Variants in KAT6B observed in about 807,000 individuals in gnomAD.
The protein encoded by KAT6B is lysine acetyltransferase 6B.
In KAT6B, 10 loss-of-function variants were observed where a neutral mutation model predicts 187.5. The observed-to-expected ratio is 0.05, with a 90% CI of 0.03 to 0.09. KAT6B has a LOEUF of 0.09. Ranked by LOEUF, KAT6B falls within the 10% of genes least tolerant of loss-of-function variation. KAT6B has a pLI of 1.00. For synonymous variants in KAT6B, 861 were observed against 926.8 expected (o/e 0.93, Z 1.29); for missense variants, 1,952 against 2,558.9 (o/e 0.76, Z 5.12).
chr10:74,872,844 A>G (rs1844101712), intron 3 of KAT6B, among the ~76,000 whole-genome samples: 1 of 152,172 alleles, frequency 6.6e-6, no homozygotes, highest in African/African-American at 2.4e-5. Flanking sequence ...ATCGAGAGAC[A>G]TGAAAACTAA....
Position 74,843,294 on chromosome 10 carries a change from C to T in KAT6B, c.437C>T (p.Pro146Leu). ...QSDLTSTTNN[P>L]AFQQRLRLGA... ...GATCTCACAAGCACCACCAACAACCCAGCCTTTCAGCAGCGGCTGCGACTG... is the reference window on the plus strand; with the variant it reads ...GATCTCACAAGCACCACCAACAACCTAGCCTTTCAGCAGCGGCTGCGACTG... The change falls in exon 3 of 18, where the codon CCA (proline) becomes CTA (leucine). Residue 146 changes from proline (P) to leucine (L), a missense_variant. Physicochemically the swap from Pro to Leu is moderately conservative, Grantham distance 98 (BLOSUM62 -3). Around this residue, in one of 9 missense-constraint regions of KAT6B, gnomAD observed 218 missense variants for 282.6 expected, o/e 0.77. Transcript: ENST00000287239. 1 of 1,613,746 alleles carries T rather than the reference C, an allele frequency of 6.2e-7. No individual in the cohort carries two copies. The highest frequency in any genetic ancestry group is 1.1e-5 in the South Asian group (1 of 91,068).
At chr10:74,981,062 A>G (rs1842475316) in intron 10 of KAT6B, among the ~76,000 whole-genome samples, 1 of 152,234 alleles carries the variant, frequency 6.6e-6, no homozygotes. Flanking sequence ...AATTGGAAAT[A>G]AGATAGTAAA....
chr10:74,994,490 A>G (rs1843297298), intron 13 of KAT6B, among the ~76,000 whole-genome samples: 1 of 152,054 alleles, frequency 6.6e-6, no homozygotes, highest in Non-Finnish European at 1.5e-5. Context: ...GTAGTTAGGA[A>G]CCAGGATCTG....
intron 13 of KAT6B, among the ~76,000 whole-genome samples, chr10:75,006,817 A>G (rs1844233105): frequency 6.8e-6 from 1 of 147,012 alleles, no homozygotes; most frequent in African/African-American, 2.5e-5. Flanking sequence ...CTGTAATCCC[A>G]GCACTTTGGG....
chr10:75,012,316 A>G (rs1012728211), intron 13 of KAT6B, among the ~76,000 whole-genome samples: 1 of 152,124 alleles, frequency 6.6e-6, no homozygotes, highest in Non-Finnish European at 1.5e-5. Flanking sequence ...GCATGGTGGT[A>G]TGCACTTGTT....
intron 3 of KAT6B, among the ~76,000 whole-genome samples, chr10:74,875,311 T>C (rs748185094): frequency 2.0e-5 from 3 of 152,172 alleles, no homozygotes; most frequent in Non-Finnish European, 4.4e-5. Flanking sequence ...CTGGCTGTCA[T>C]CTGTATGTGT....
At chr10:74,876,969 A>G (rs1054749660) in intron 3 of KAT6B, among the ~76,000 whole-genome samples, 8 of 151,920 alleles carry the variant, frequency 5.3e-5, no homozygotes, top group African/African-American at 1.9e-4. Flanking sequence ...GGCCCTTGTC[A>G]GGGACAGATT....
chr10:74,957,657 A>G (rs1319850320), intron 3 of KAT6B, among the ~76,000 whole-genome samples: 2 of 152,266 alleles, frequency 1.3e-5, no homozygotes, highest in African/African-American at 2.4e-5. Flanking sequence ...CAAGGATGAC[A>G]GCAGTAGCTT....
At chr10:74,987,904 T>C (rs1842915680) in intron 12 of KAT6B, among the ~76,000 whole-genome samples, 2 of 152,232 alleles carry the variant, frequency 1.3e-5, no homozygotes, top group African/African-American at 2.4e-5. Context: ...CCTTTGCCAT[T>C]GATGTGCACA....
chr10:75,022,100 G>A lies in KAT6B; in HGVS notation c.3241G>A (p.Glu1081Lys), dbSNP rs1401024909. 5 of 1,583,434 alleles carry A rather than the reference G, an allele frequency of 3.2e-6. No homozygotes were observed. The South Asian group carries it at 4.4e-5, about 14-fold the overall frequency. Reference sequence around the variant, plus strand: ...AGAGGAGGAGGAGGACGAGGAGGAGGAAGAAGAGGAGGAAGAAGAGGAAGA... The same window carrying A: ...AGAGGAGGAGGAGGACGAGGAGGAGAAAGAAGAGGAGGAAGAAGAGGAAGA... ...EEEEEEDEEE[E>K]EEEEEEEEDE... The change falls in exon 16 of 18, where the codon GAA (glutamate) becomes AAA (lysine). Residue 1081 changes from glutamate (E) to lysine (K), a missense_variant. Around this residue, in one of 9 missense-constraint regions of KAT6B, gnomAD observed 758 missense variants for 891.4 expected, o/e 0.85. Transcript: ENST00000287239.
chr10:74,860,378 A>C (rs1387268679), intron 3 of KAT6B, among the ~76,000 whole-genome samples: 1 of 152,262 alleles, frequency 6.6e-6, no homozygotes, highest in Non-Finnish European at 1.5e-5. Context: ...AATATTAAAT[A>C]CTTAGTGCTT....
chr10:74,880,813 A>G (rs1280071412), intron 3 of KAT6B, among the ~76,000 whole-genome samples: 1 of 151,916 alleles, frequency 6.6e-6, no homozygotes, highest in Non-Finnish European at 1.5e-5. Context: ...ACGGGGTTTC[A>G]CCATGTTGGC....
intron 3 of KAT6B, among the ~76,000 whole-genome samples, chr10:74,948,459 A>C (rs928999632): frequency 6.6e-6 from 1 of 152,226 alleles, no homozygotes; most frequent in Non-Finnish European, 1.5e-5. Context: ...GTTAATAACC[A>C]CTTACCTATG....
At chr10:74,918,785 G>T (rs558325231) in intron 3 of KAT6B, among the ~76,000 whole-genome samples, 1 of 152,256 alleles carries the variant, frequency 6.6e-6, no homozygotes, top group Non-Finnish European at 1.5e-5. Flanking sequence ...TTGCTGGCAT[G>T]AGTAATTTTT....
intron 3 of KAT6B, among the ~76,000 whole-genome samples, chr10:74,880,324 G>A (rs1213671256): frequency 6.6e-6 from 1 of 152,122 alleles, no homozygotes; most frequent in Non-Finnish European, 1.5e-5. Flanking sequence ...GAATCCTATG[G>A]TATGTGGCCT....
intron 3 of KAT6B, among the ~76,000 whole-genome samples, chr10:74,912,546 A>C (rs1224708105): frequency 6.6e-6 from 1 of 152,164 alleles, no homozygotes; most frequent in Non-Finnish European, 1.5e-5. Flanking sequence ...TCTTGTATTT[A>C]GCTCTCTGTC....
chr10:74,859,779 C>T (rs969490532), intron 3 of KAT6B, among the ~76,000 whole-genome samples: 3 of 152,184 alleles, frequency 2.0e-5, no homozygotes, highest in African/African-American at 7.2e-5. Flanking sequence ...AGAAATGTAA[C>T]AAGATGCCAA....
chr10:75,022,991 A>G (rs1845553891), intron 16 of KAT6B, among the ~76,000 whole-genome samples: 1 of 152,250 alleles, frequency 6.6e-6, no homozygotes, highest in African/African-American at 2.4e-5. Context: ...TTCTTGGCAC[A>G]GAATTGTTAG....
chr10:74,847,967 G>A (rs548023614), intron 3 of KAT6B, among the ~76,000 whole-genome samples: 1 of 146,562 alleles, frequency 6.8e-6, no homozygotes, highest in East Asian at 2.0e-4. Flanking sequence ...CACCCAGGCT[G>A]GAGTACAATG....
Sources: gnomAD v4.1 joint callset for allele counts (sites outside exome capture counted in the v4.1 genomes callset) on GRCh38, gnomAD v4.1.1 for gene constraint, gnomAD v4.1.1 regional missense constraint, MANE v1.5 for transcripts, NCBI Gene and HGNC (gene_info 2026-07-23, HGNC 2026-07-21) for gene names.